NYAP2: variants seen among roughly 807,000 people sequenced by gnomAD.
NYAP2 encodes the protein neuronal tyrosine-phosphorylated phosphoinositide-3-kinase adapter 2.
Under a neutral mutation model 50.4 loss-of-function variants are expected in NYAP2, and 23 were observed. That is an observed-to-expected ratio of 0.46 (90% CI 0.33 to 0.65). NYAP2 has a LOEUF of 0.65. NYAP2 is among the 30% of genes least tolerant of loss of function. The pLI is 0.02. For missense variants in NYAP2, 885 were observed against 861.0 expected (o/e 1.03, Z -0.35); for synonymous variants, 394 against 365.2 (o/e 1.08, Z -0.90).
At chr2:225,667,829 G>A in the NYAP2 span, among the ~76,000 whole-genome samples, 10 of 151,952 alleles carry the variant, frequency 6.6e-5, no homozygotes, top group East Asian at 1.9e-4. Context: ...ACAGATGCAC[G>A]GTTGGAAGAC....
chr2:225,682,824 T>G, the NYAP2 span, among the ~76,000 whole-genome samples: 2 of 152,076 alleles, frequency 1.3e-5, no homozygotes, highest in African/African-American at 4.8e-5. Context: ...AGAGTTCTTA[T>G]GAGAGAATTG....
intron 3 of NYAP2, among the ~76,000 whole-genome samples, chr2:225,411,169 T>C (rs539470477): frequency 2.0e-5 from 3 of 152,074 alleles, no homozygotes; most frequent in Non-Finnish European, 4.4e-5. Context: ...AGAGATAATG[T>C]TGGTTTGCAT....
At chr2:225,432,458 A>T (rs1433156868) in intron 3 of NYAP2, among the ~76,000 whole-genome samples, 1 of 149,898 alleles carries the variant, frequency 6.7e-6, no homozygotes, top group Non-Finnish European at 1.5e-5. Context: ...GTGTATATCT[A>T]TTATATAGCT....
chr2:225,554,143 G>GTATTTTCATT (rs1409239898), intron 4 of NYAP2, among the ~76,000 whole-genome samples: 1 of 151,624 alleles, frequency 6.6e-6, no homozygotes, highest in African/African-American at 2.4e-5. Context: ...TCATTTTTCA[G>GTATTTTCATT]TGGCAATAAC....
chr2:225,513,557 G>C (rs1690872589), exon 4 of NYAP2: 1 of 1,609,404 alleles, frequency 6.2e-7, no homozygotes, highest in Non-Finnish European at 8.5e-7. Context: ...GTGGCTCACG[G>C]AGACAACCAC....
chr2:225,561,280 A>G (rs1691867830), intron 4 of NYAP2, among the ~76,000 whole-genome samples: 1 of 152,120 alleles, frequency 6.6e-6, no homozygotes, highest in Non-Finnish European at 1.5e-5. Context: ...CAAGCCATGT[A>G]CATCGCTGGG....
intron 5 of NYAP2, among the ~76,000 whole-genome samples, chr2:225,624,090 T>C (rs1021249821): frequency 1.3e-5 from 2 of 152,236 alleles, no homozygotes; most frequent in Admixed American, 6.5e-5. Context: ...TGGAGAAAAG[T>C]ATATAAAGAA....
intron 4 of NYAP2, among the ~76,000 whole-genome samples, chr2:225,540,969 T>C (rs1250047915): frequency 2.0e-5 from 3 of 152,166 alleles, no homozygotes; most frequent in African/African-American, 7.2e-5. Flanking sequence ...GTCTTTTTAA[T>C]TGGGAAAAGC....
intron 5 of NYAP2, among the ~76,000 whole-genome samples, chr2:225,612,855 C>CACACCCAATGTGTGTGATGACATAACATA (rs1277985514): frequency 6.7e-6 from 1 of 149,958 alleles, no homozygotes; most frequent in Non-Finnish European, 1.5e-5. Context: ...GACATCACAT[C>CACACCCAATGTGTGTGATGACATAACATA]TGGGTCTAGA....
chr2:225,620,503 A>G (rs1574713124), intron 5 of NYAP2, among the ~76,000 whole-genome samples: 1 of 152,110 alleles, frequency 6.6e-6, no homozygotes, highest in African/African-American at 2.4e-5. Context: ...ACACGCACGC[A>G]CACACACATG....
intron 3 of NYAP2, among the ~76,000 whole-genome samples, chr2:225,475,219 G>C (rs576736270): frequency 2.6e-5 from 4 of 152,236 alleles, no homozygotes; most frequent in Admixed American, 1.3e-4. Context: ...TATCCAAACT[G>C]ACCAGTTTTT....
chr2:225,683,818 C>T, the NYAP2 span, among the ~76,000 whole-genome samples: 21 of 152,134 alleles, frequency 1.4e-4, no homozygotes, highest in Non-Finnish European at 1.3e-4. Flanking sequence ...AGGTCACGAA[C>T]TGGAAGTAAA....
At chr2:225,458,681 T>C (rs960569441) in intron 3 of NYAP2, among the ~76,000 whole-genome samples, 1 of 152,222 alleles carries the variant, frequency 6.6e-6, no homozygotes, top group African/African-American at 2.4e-5. Flanking sequence ...GTGTGAAGAT[T>C]TGGTAAGAGT....
intron 3 of NYAP2, among the ~76,000 whole-genome samples, chr2:225,453,458 G>A (rs558639101): frequency 6.6e-6 from 1 of 152,142 alleles, no homozygotes; most frequent in South Asian, 2.1e-4. Flanking sequence ...TCTTGCTTGT[G>A]ACAATTAATT....
At chr2:225,517,426 C>T (rs563789358) in intron 4 of NYAP2, among the ~76,000 whole-genome samples, 8 of 152,168 alleles carry the variant, frequency 5.3e-5, no homozygotes, top group African/African-American at 1.7e-4. Flanking sequence ...AACACATAGC[C>T]GATTCCTCAA....
chr2:225,664,966 G>A, the NYAP2 span, among the ~76,000 whole-genome samples: 6 of 152,158 alleles, frequency 3.9e-5, no homozygotes, highest in African/African-American at 1.4e-4. Flanking sequence ...CCATACTCGA[G>A]TGATACAAGT....
chr2:225,583,411 G>T (rs554975296), intron 5 of NYAP2, among the ~76,000 whole-genome samples: 1 of 152,172 alleles, frequency 6.6e-6, no homozygotes, highest in South Asian at 2.1e-4. Context: ...CCTTTGAGTT[G>T]CAATCTTAAC....
At chr2:225,574,776 G>C (rs775952793) in intron 4 of NYAP2, among the ~76,000 whole-genome samples, 1 of 152,158 alleles carries the variant, frequency 6.6e-6, no homozygotes, top group South Asian at 2.1e-4. Context: ...GTGTTTGTGA[G>C]ATGCTTTAGA....
At chr2:225,574,530 G>C (rs150072670) in intron 4 of NYAP2, among the ~76,000 whole-genome samples, 3 of 152,284 alleles carry the variant, frequency 2.0e-5, no homozygotes, top group Non-Finnish European at 4.4e-5. Flanking sequence ...CTGTAAGTGA[G>C]TAGTTTTCCT....
Sources: allele counts gnomAD v4.1 joint callset (sites outside exome capture counted in the v4.1 genomes callset), GRCh38; gene constraint gnomAD v4.1.1; transcripts MANE v1.5; gene names NCBI Gene and HGNC (gene_info 2026-07-23, HGNC 2026-07-21).